Variants in ARHGAP32 observed in about 807,000 individuals in gnomAD.
ARHGAP32 encodes the protein rho GTPase-activating protein 32.
A neutral mutation model predicts 186.5 loss-of-function variants in ARHGAP32; 51 were observed. The ratio of observed to expected loss-of-function variants is 0.27; its 90% CI spans 0.22 to 0.35. The LOEUF (loss-of-function observed/expected upper bound fraction) is 0.35, where lower values mean the gene tolerates loss of function less well. ARHGAP32 is among the 10% of genes least tolerant of loss of function. The probability of loss-of-function intolerance (pLI) is 1.00; values close to 1 mark genes in which losing one functional copy is unlikely to be tolerated. For missense variants in ARHGAP32, 2,186 were observed against 2,623.5 expected (o/e 0.83, Z 3.64); for synonymous variants, 950 against 964.3 (o/e 0.99, Z 0.27).
At chr11:129,157,639 A>C (rs1943436768) in intron 2 of ARHGAP32, among the ~76,000 whole-genome samples, 1 of 152,204 alleles carries the variant, frequency 6.6e-6, no homozygotes, top group South Asian at 2.1e-4. Context: ...GAATGGAATC[A>C]AGCTGAAAAA....
At chr11:129,264,969 T>C (rs1297617938) in intron 1 of ARHGAP32, among the ~76,000 whole-genome samples, 1 of 152,228 alleles carries the variant, frequency 6.6e-6, no homozygotes, top group African/African-American at 2.4e-5. Flanking sequence ...TAACTGCCCA[T>C]GTCTCACAAC....
At chr11:129,131,389 C>A (rs188456103) in intron 2 of ARHGAP32, among the ~76,000 whole-genome samples, 1 of 151,638 alleles carries the variant, frequency 6.6e-6, no homozygotes, top group Non-Finnish European at 1.5e-5. Context: ...ATGATAACTA[C>A]GGAAACAATG....
Position 129,123,792 on chromosome 11 carries a change from G to A in ARHGAP32, c.359+96C>T, listed in dbSNP as rs894784230. 4 of 1,074,612 alleles carry A rather than the reference G, an allele frequency of 3.7e-6. No homozygotes were observed. Among genetic ancestry groups the A allele is most frequent in the Non-Finnish European group, 5.1e-6 (4 of 791,016 alleles). 66.6% of individuals were successfully genotyped at this position (1,074,612 alleles called of 1,614,324 possible). ...ATTTTGACCCGAATCAATGTCCATA[G>A]AAAAACTGCTATTTTCGGCAAATGT... is the stretch of plus-strand genomic sequence containing the variant. On this transcript the variant is annotated intron_variant, in intron 4 of 22. Coordinates refer to ENST00000682385, the MANE Select transcript of ARHGAP32 (RefSeq NM_001378024.1). The surrounding 1 kb of genome is among the most constrained non-coding windows in gnomAD (Gnocchi z 4.6).
chr11:129,207,368 G>A lies in ARHGAP32; in HGVS notation c.-4-42941C>T, dbSNP rs185639242. Among the ~76,000 whole-genome samples, 398 of 152,220 alleles carry A rather than the reference G, an allele frequency of 2.6e-3. 5 individuals carry two copies. Among genetic ancestry groups the A allele is most frequent in the African/African-American group, 9.1e-3 (377 of 41,536 alleles). ...ATACTCCCACCAACAGTGTAAAAAC[G>A]TTCCTATTTCTCCACATCCTCTCCA... On this transcript the variant is annotated intron_variant, in intron 1 of 6. Transcript: ENST00000525234.
chr11:129,219,903 G>GGTTGTGGGATCTCAA (rs1944690867), intron 1 of ARHGAP32, among the ~76,000 whole-genome samples: 1 of 151,780 alleles, frequency 6.6e-6, no homozygotes, highest in Non-Finnish European at 1.5e-5. Flanking sequence ...CACATAATTA[G>GGTTGTGGGATCTCAA]TCTGCCAGGC....
In ARHGAP32 at chr11:128,967,657, G is replaced by C. The variant is rs1945250132; in HGVS notation, c.*1250C>G. On this transcript the variant is annotated 3_prime_UTR_variant, in exon 23 of 23. Transcript: ENST00000682385. ...CTATACCTGAAATGCTGGTGTAGAT[G>C]GTAATTACAAGAAGACTGTGACCAC... The C allele has an allele frequency of 6.6e-6, 1 of 151,484 alleles. No individual in the cohort carries two copies. Among genetic ancestry groups the C allele is most frequent in the Admixed American group, 6.6e-5 (1 of 15,196 alleles). 9.4% of individuals were successfully genotyped at this position (151,484 alleles called of 1,614,324 possible). A position where few individuals can be genotyped will look rare whatever the true frequency, so the allele number is the denominator to read the frequency against.
At chr11:128,999,147 G>GAA (rs905284754) in intron 11 of ARHGAP32, among the ~76,000 whole-genome samples, 5 of 152,194 alleles carry the variant, frequency 3.3e-5, no homozygotes, top group Non-Finnish European at 7.4e-5. Flanking sequence ...AAATATCGCT[G>GAA]AATTCTTTTT....
chr11:129,161,172 T>TA (rs1348623225), intron 2 of ARHGAP32, among the ~76,000 whole-genome samples: 2 of 152,034 alleles, frequency 1.3e-5, no homozygotes, highest in Non-Finnish European at 2.9e-5. Context: ...ATTAAAGACT[T>TA]AAACATAAGA....
intron 1 of ARHGAP32, among the ~76,000 whole-genome samples, chr11:129,178,787 T>A (rs1278116799): frequency 2.0e-5 from 3 of 151,090 alleles, no homozygotes; most frequent in African/African-American, 7.3e-5. Flanking sequence ...GATACAAAAA[T>A]CAATTCAAGA....
upstream of ARHGAP32, among the ~76,000 whole-genome samples, chr11:129,193,498 A>AT (rs1398538909): frequency 6.8e-4 from 49 of 71,926 alleles, 4 homozygotes; most frequent in Middle Eastern, 6.0e-3. Context: ...AAAAAAAAAA[A>AT]AATATATATA....
chr11:129,066,978 T>A, intron 6 of ARHGAP32, 110 bp from the exon 7 acceptor site: 1 of 957,634 alleles, frequency 1.0e-6, no homozygotes, highest in Admixed American at 2.8e-5. Context: ...TATTTTCTAA[T>A]GAGAAGTTTC....
chr11:129,038,009 G>A (rs974241539), intron 11 of ARHGAP32, among the ~76,000 whole-genome samples: 1 of 151,878 alleles, frequency 6.6e-6, no homozygotes, highest in African/African-American at 2.4e-5. Context: ...GCTGAGGCAA[G>A]AGAATTGCTT....
intron 11 of ARHGAP32, among the ~76,000 whole-genome samples, chr11:129,020,834 T>C (rs1339164790): frequency 6.6e-6 from 1 of 152,026 alleles, no homozygotes; most frequent in Non-Finnish European, 1.5e-5. Flanking sequence ...TACAAAGCTA[T>C]TGTAGAGTAG....
chr11:129,033,268 G>T (rs2134976958), intron 11 of ARHGAP32, among the ~76,000 whole-genome samples: 1 of 152,166 alleles, frequency 6.6e-6, no homozygotes, highest in East Asian at 1.9e-4. Context: ...CTGTGTACAT[G>T]AATCTCTATA....
At chr11:129,091,734 A>C (rs556181998) in intron 6 of ARHGAP32, among the ~76,000 whole-genome samples, 20 of 152,200 alleles carry the variant, frequency 1.3e-4, no homozygotes, top group African/African-American at 4.3e-4. Flanking sequence ...ACACAGAAAA[A>C]GGTGGCAGTC....
At chr11:129,026,837 C>T (rs1682581124) in intron 11 of ARHGAP32, among the ~76,000 whole-genome samples, 2 of 146,346 alleles carry the variant, frequency 1.4e-5, no homozygotes, top group Non-Finnish European at 3.0e-5. Context: ...CAGTGGCTCA[C>T]ACCTGTAACA....
chr11:129,260,412 G>A (rs1945307109), intron 1 of ARHGAP32, among the ~76,000 whole-genome samples: 1 of 151,908 alleles, frequency 6.6e-6, no homozygotes, highest in Non-Finnish European at 1.5e-5. Context: ...AAGATAAAAA[G>A]TGAATAAATT....
rs187461470 is a variant in ARHGAP32, at chr11:129,103,762, T to C, written c.445-10055A>G. On this transcript the variant is annotated intron_variant, in intron 5 of 22. Coordinates refer to ENST00000682385, the MANE Select transcript of ARHGAP32 (RefSeq NM_001378024.1). ...CATCTTTTAAGTGCTGAAAGAAATG[T>C]TGTCAATACTATTAATATAATTCAT... Among the ~76,000 whole-genome samples, 202 of 152,124 alleles carry C rather than the reference T, an allele frequency of 1.3e-3. 2 individuals carry two copies. Among genetic ancestry groups the C allele is most frequent in the African/African-American group, 4.4e-3 (182 of 41,554 alleles).
chr11:129,009,317 G>T (rs1375177241), intron 11 of ARHGAP32, among the ~76,000 whole-genome samples: 1 of 152,028 alleles, frequency 6.6e-6, no homozygotes, highest in Admixed American at 6.6e-5. Context: ...TTACTAGTAT[G>T]CTGGAAAACA....
Sources: allele counts gnomAD v4.1 joint callset (sites outside exome capture counted in the v4.1 genomes callset), GRCh38; gene constraint gnomAD v4.1.1; non-coding constraint Gnocchi (gnomAD v3.1); transcripts MANE v1.5; gene names NCBI Gene and HGNC (gene_info 2026-07-23, HGNC 2026-07-21).